Variants in ASPH observed in about 807,000 individuals in gnomAD.
The protein encoded by ASPH is aspartyl/asparaginyl beta-hydroxylase.
Under a neutral mutation model 118.4 loss-of-function variants are expected in ASPH, and 100 were observed. The observed-to-expected ratio is 0.84, with a 90% CI of 0.72 to 1.00. ASPH has a LOEUF of 1.00. Ranked by LOEUF, ASPH falls within the 50% of genes least tolerant of loss-of-function variation. The pLI, the probability that ASPH is intolerant of heterozygous loss-of-function variation, is 0.00. For synonymous variants in ASPH, 315 were observed against 325.6 expected (o/e 0.97, Z 0.35); for missense variants, 920 against 919.5 (o/e 1.00, Z -0.01).
chr8:61,690,109 T>C (rs147564818), intron 1 of ASPH, among the ~76,000 whole-genome samples: 86 of 152,340 alleles, frequency 5.6e-4, no homozygotes, highest in Admixed American at 1.1e-3. Flanking sequence ...CACCAATTCA[T>C]TGAAAACTCA....
intron 14 of ASPH, among the ~76,000 whole-genome samples, chr8:61,590,334 C>T (rs117441768): frequency 6.6e-6 from 1 of 152,168 alleles, no homozygotes; most frequent in Non-Finnish European, 1.5e-5. Flanking sequence ...GGTATACACA[C>T]TGACTACAAA....
chr8:61,578,857 G>A (rs535771923), intron 15 of ASPH: 17 of 1,612,594 alleles, frequency 1.1e-5, no homozygotes, highest in African/African-American at 5.3e-5. Flanking sequence ...CTGGAGTCTC[G>A]CCTGGAAGGG....
intron 14 of ASPH, among the ~76,000 whole-genome samples, chr8:61,592,904 T>C (rs1318049663): frequency 1.3e-5 from 2 of 152,126 alleles, no homozygotes; most frequent in Admixed American, 1.3e-4. Context: ...AGGCAAAGGG[T>C]AAAAAAGAAG....
Position 61,501,362 on chromosome 8 carries a change from C to CTT in ASPH, c.*1995_*1996dup, listed in dbSNP as rs1304353633. On this transcript the variant is annotated 3_prime_UTR_variant, in exon 25 of 25. Transcript: ENST00000379454. ...ATTTCTAGCTTTTCAATTGGCAATA[C>CTT]TTAGAACCTTACTGTAGTGACCTGA... is the stretch of plus-strand genomic sequence containing the variant. 3.9e-5 allele frequency: 6 copies of CTT among 152,120 alleles called. No individual in the cohort carries two copies. The highest frequency in any genetic ancestry group is 2.0e-4 in the Admixed American group (3 of 15,272). 9.4% of individuals were successfully genotyped at this position (152,120 alleles called of 1,614,324 possible). A position where few individuals can be genotyped will look rare whatever the true frequency, so the allele number is the denominator to read the frequency against.
At chr8:61,510,615 G>C (rs924428199) in intron 24 of ASPH, among the ~76,000 whole-genome samples, 2 of 152,204 alleles carry the variant, frequency 1.3e-5, no homozygotes, top group Admixed American at 1.3e-4. Context: ...TGTGGAGGTA[G>C]AGAAATGTAT....
At position 61,526,101 on chromosome 8, in the gene ASPH, T is replaced by G; in HGVS notation, c.1776A>C (p.Arg592Ser). ...CTTCATCTCGGATTAACTTCCAGTT[T>G]CTTTCTAAAGACTAGAGGGAAGATT... Reference protein sequence around the residue: ...GYTELVKSLERNWKLIRDEGL... With the variant: ...GYTELVKSLESNWKLIRDEGL... The change falls in exon 22 of 25, where the codon AGA becomes AGC. Residue 592 changes from arginine (R) to serine (S), a missense_variant. Coordinates refer to ENST00000379454, the MANE Select transcript of ASPH (RefSeq NM_004318.4). 6.2e-7 allele frequency: 1 copy of G among 1,614,030 alleles called. No homozygotes were observed. The highest frequency in any genetic ancestry group is 8.5e-7 in the Non-Finnish European group (1 of 1,179,888).
At chr8:61,678,715 G>A (rs977235133) in intron 3 of ASPH, among the ~76,000 whole-genome samples, 1 of 151,952 alleles carries the variant, frequency 6.6e-6, no homozygotes, top group Non-Finnish European at 1.5e-5. Flanking sequence ...CTATACCTGC[G>A]ATGACAACAG....
chr8:61,609,182 A>G (rs1181294571), intron 14 of ASPH, among the ~76,000 whole-genome samples: 2 of 152,168 alleles, frequency 1.3e-5, no homozygotes, highest in African/African-American at 4.8e-5. Context: ...ACGACGTGGC[A>G]GGGCTAGCGA....
chr8:61,663,875 T>C (rs1195349208), intron 3 of ASPH: 3 of 954,414 alleles, frequency 3.1e-6, no homozygotes, highest in Non-Finnish European at 3.7e-6. Context: ...AAGAAAAAGG[T>C]GTACAATACA....
chr8:61,551,481 A>G (rs1825983059), intron 20 of ASPH, among the ~76,000 whole-genome samples: 1 of 152,194 alleles, frequency 6.6e-6, no homozygotes, highest in Non-Finnish European at 1.5e-5. Flanking sequence ...ATCCTTCTGA[A>G]CTTTTTAAAT....
chr8:61,548,275 T>C, intron 20 of ASPH, 67 bp from the exon 21 acceptor site: 3 of 1,485,102 alleles, frequency 2.0e-6, no homozygotes, highest in Non-Finnish European at 2.7e-6. Flanking sequence ...AATTTTAAAA[T>C]TGAAAACATT....
At chr8:61,526,823 G>A (rs908434139) in intron 21 of ASPH, among the ~76,000 whole-genome samples, 2 of 152,094 alleles carry the variant, frequency 1.3e-5, no homozygotes, top group African/African-American at 2.4e-5. Context: ...CCATCACACT[G>A]GGTGTTGATT....
intron 13 of ASPH, among the ~76,000 whole-genome samples, chr8:61,620,264 C>T (rs548027182): frequency 3.3e-5 from 5 of 152,156 alleles, no homozygotes; most frequent in South Asian, 2.1e-4. Flanking sequence ...TTACCTCCCT[C>T]TTTGTGCATA....
intron 1 of ASPH, among the ~76,000 whole-genome samples, chr8:61,706,404 C>CAAAAAAAAAAAAAAAAAAAAAAAA (rs55731088): frequency 1.4e-5 from 1 of 70,560 alleles, no homozygotes; most frequent in Non-Finnish European, 2.5e-5. Flanking sequence ...GGTCATGACT[C>CAAAAAAAAAAAAAAAAAAAAAAAA]AAAAAAAAAA....
At chr8:61,701,146 C>A (rs1835155241) in intron 1 of ASPH, among the ~76,000 whole-genome samples, 1 of 152,096 alleles carries the variant, frequency 6.6e-6, no homozygotes, top group Non-Finnish European at 1.5e-5. Context: ...TCTGCCACAA[C>A]TGAAAGATAA....
At chr8:61,667,202 T>C (rs576695185) in intron 3 of ASPH, among the ~76,000 whole-genome samples, 162 of 152,146 alleles carry the variant, frequency 1.1e-3, no homozygotes, top group Non-Finnish European at 1.9e-3. Context: ...TATCACAGGC[T>C]TATAAAGAAA....
At chr8:61,576,256 C>T (rs1835102050) in intron 16 of ASPH, among the ~76,000 whole-genome samples, 1 of 152,134 alleles carries the variant, frequency 6.6e-6, no homozygotes, top group African/African-American at 2.4e-5. Context: ...GGACATGCTT[C>T]ATGAAAGGAG....
At chr8:61,579,618 G>A (rs1361700318) in intron 15 of ASPH, 8 of 1,519,856 alleles carry the variant, frequency 5.3e-6, no homozygotes, top group South Asian at 2.2e-5. Context: ...GAAGAAGATC[G>A]AGACATGTGA....
intron 24 of ASPH, among the ~76,000 whole-genome samples, chr8:61,513,551 C>G (rs555555963): frequency 3.2e-4 from 48 of 152,294 alleles, no homozygotes; most frequent in African/African-American, 8.2e-4. Flanking sequence ...CAGAAGGACC[C>G]CTGTGCTCAG....
Sources: gnomAD v4.1 joint callset for allele counts (sites outside exome capture counted in the v4.1 genomes callset) on GRCh38, gnomAD v4.1.1 for gene constraint, MANE v1.5 for transcripts, NCBI Gene and HGNC (gene_info 2026-07-23, HGNC 2026-07-21) for gene names.